Variants in CDK5RAP3 observed in about 807,000 individuals in gnomAD.
The protein encoded by CDK5RAP3 is CDK5 regulatory subunit associated protein 3.
CDK5RAP3 carries 58 observed loss-of-function variants against 73.3 expected under a neutral mutation model. The ratio of observed to expected loss-of-function variants is 0.79; its 90% CI spans 0.64 to 0.98. CDK5RAP3 has a LOEUF of 0.98. Among genes scored for constraint, CDK5RAP3 ranks in the 50% least tolerant of loss-of-function variants. The probability of loss-of-function intolerance (pLI) is 0.00; values close to 1 mark genes in which losing one functional copy is unlikely to be tolerated. For synonymous variants in CDK5RAP3, 224 were observed against 247.5 expected (o/e 0.91, Z 0.89); for missense variants, 525 against 615.8 (o/e 0.85, Z 1.56).
At chr17:47,970,512 C>T (rs1298675557), upstream of CDK5RAP3, 1 of 701,814 alleles carries the variant, frequency 1.4e-6, no homozygotes, top group East Asian at 2.8e-5. Flanking sequence ...ACCCAGCTAT[C>T]TTCAGCTCTT....
chr17:47,980,475 C>A (rs2144244752), intron 11 of CDK5RAP3, 118 bp from the exon 12 acceptor site: 1 of 851,638 alleles, frequency 1.2e-6, no homozygotes, highest in Non-Finnish European at 2.0e-6. Context: ...CATCGTTTCC[C>A]AGGCTGGTCT....
chr17:47,981,000 G>A (rs887421897), intron 12 of CDK5RAP3, 163 bp from the exon 13 acceptor site: 1 of 873,046 alleles, frequency 1.1e-6, no homozygotes, highest in African/African-American at 1.7e-5. Context: ...AGTAGGACAG[G>A]GGAACTGGGA....
upstream of CDK5RAP3, among the ~76,000 whole-genome samples, chr17:47,969,353 G>A (rs765725493): frequency 2.0e-5 from 3 of 151,818 alleles, no homozygotes; most frequent in Non-Finnish European, 4.4e-5. Context: ...TCAGGAAATC[G>A]AGACCATCCT....
chr17:47,968,784 G>A (rs12942412), upstream of CDK5RAP3, among the ~76,000 whole-genome samples: 3 of 152,126 alleles, frequency 2.0e-5, no homozygotes, highest in East Asian at 3.9e-4. Context: ...CCAAAGTGCC[G>A]AGATTACAGG....
rs909520709 is a variant in CDK5RAP3 at position 47,971,426 on chromosome 17, G to T, written c.52+19G>T. On this transcript the variant is annotated intron_variant, in intron 2 of 13. Coordinates refer to ENST00000338399, the MANE Select transcript of CDK5RAP3 (RefSeq NM_176096.3). ...CTGCTCGGTAGGAGGGGGCGCCACC[G>T]CGCAGCTGGCTGTCGGGGGGAGGCC... is the stretch of plus-strand genomic sequence containing the variant. 2 of 1,588,856 alleles carry T rather than the reference G, an allele frequency of 1.3e-6. No homozygotes were observed. Among genetic ancestry groups the T allele is most frequent in the East Asian group, 2.3e-5 (1 of 43,954 alleles).
At chr17:47,973,786 G>A in intron 3 of CDK5RAP3, 136 bp downstream of exon 3, 2 of 1,260,088 alleles carry the variant, frequency 1.6e-6, no homozygotes, top group South Asian at 1.3e-5. Context: ...TATAGATGCT[G>A]GCTTCTTCCA....
chr17:47,974,048 G>A lies in CDK5RAP3; in HGVS notation c.285+17G>A. 1 of 1,570,726 alleles carries A rather than the reference G, an allele frequency of 6.4e-7. No homozygotes were observed. On this transcript the variant is annotated intron_variant, in intron 4 of 13. Coordinates refer to ENST00000338399, the MANE Select transcript of CDK5RAP3 (RefSeq NM_176096.3). ...CGGATGAAGGCAAGTGTGGGCCAAGGGCCGGTAGTATGTGGTTGGGGACAT... is the reference window on the plus strand; with the variant it reads ...CGGATGAAGGCAAGTGTGGGCCAAGAGCCGGTAGTATGTGGTTGGGGACAT...
chr17:47,976,044 G>A lies in CDK5RAP3; in HGVS notation c.798+31G>A, dbSNP rs1234708287. On this transcript the variant is annotated intron_variant, in intron 8 of 13. Coordinates refer to ENST00000338399, the MANE Select transcript of CDK5RAP3 (RefSeq NM_176096.3). The stretch of plus-strand genomic sequence containing the variant: ...ATGGGCCTTGTGATGAGCTGTAGGA[G>A]TGGAGTGGGAGCTGCTTGTCCCCTC... The A allele has an allele frequency of 2.5e-6, 4 of 1,606,072 alleles. 1 individual carries two copies. In the South Asian group the frequency reaches 4.4e-5, roughly 18 times the overall value.
In CDK5RAP3 at chr17:47,973,931, A is replaced by G; in HGVS notation, c.185A>G (p.Tyr62Cys). Residue 62 changes from tyrosine (Y) to cysteine (C), a missense_variant and splice_region_variant, in exon 4 of 14, where the codon TAC (tyrosine) becomes TGC (cysteine). Transcript: ENST00000338399. ...CGAAATCCCGTCTCTTGCTTTCTAG[A>G]CATTCACTACTTTCACTGCCTAAGA... ...EEIAQLLSGS[Y>C]IHYFHCLRIL... 1 of 1,609,906 alleles carries G rather than the reference A, an allele frequency of 6.2e-7. No homozygotes were observed. Among genetic ancestry groups the G allele is most frequent in the Non-Finnish European group, 8.5e-7 (1 of 1,176,094 alleles).
rs1297456296 is a variant in CDK5RAP3, at chr17:47,973,591, A to T, written c.125A>T (p.Asn42Ile). 3.1e-6 allele frequency: 5 copies of T among 1,614,074 alleles called. No individual in the cohort carries two copies. Among genetic ancestry groups the T allele is most frequent in the Admixed American group, 1.7e-5 (1 of 60,008 alleles). ...SLVLTIREKINAAIQDMPESE... is the reference protein window; with the variant it reads ...SLVLTIREKIIAAIQDMPESE... The stretch of plus-strand genomic sequence containing the variant: ...GTGCTGACGATCCGCGAGAAGATCA[A>T]TGCTGCCATCCAGGACATGCCAGAG... Residue 42 changes from asparagine to isoleucine, a missense_variant, in exon 3 of 14, where the codon AAT becomes ATT. This residue lies in a region of CDK5RAP3 where 409 missense variants were observed against 429.8 expected (regional missense o/e 0.95). Transcript: ENST00000338399.
chr17:47,978,539 G>A, intron 10 of CDK5RAP3: 1 of 396,802 alleles, frequency 2.5e-6, no homozygotes, highest in Non-Finnish European at 4.6e-6. Flanking sequence ...CCACTAGAGG[G>A]CGGTGCAGGA....
intron 11 of CDK5RAP3, 30 bp downstream of exon 11, chr17:47,978,947 G>A (rs1342056777): frequency 2.6e-6 from 4 of 1,564,264 alleles, no homozygotes; most frequent in Admixed American, 1.7e-5. Flanking sequence ...ATGCAGGGGG[G>A]AGGCATGGCA....
chr17:47,976,149 C>T, intron 8 of CDK5RAP3, 136 bp downstream of exon 8: 1 of 1,099,574 alleles, frequency 9.1e-7, no homozygotes, highest in Non-Finnish European at 1.3e-6. Flanking sequence ...TAGAAGGGCC[C>T]AGGAGGCCCT....
chr17:47,970,575 C>T, upstream of CDK5RAP3: 3 of 1,224,716 alleles, frequency 2.4e-6, no homozygotes, highest in South Asian at 3.9e-5. Context: ...GACTCTCTTC[C>T]TTCCCCTTCC....
chr17:47,971,065 G>A, upstream of CDK5RAP3: 4 of 1,550,428 alleles, frequency 2.6e-6, no homozygotes, highest in Non-Finnish European at 3.5e-6. Flanking sequence ...TGTCTAAACG[G>A]AGGCTCGGCC....
chr17:47,972,106 A>C (rs536712262), intron 2 of CDK5RAP3, among the ~76,000 whole-genome samples: 3,589 of 151,298 alleles, frequency 0.024, 132 homozygotes, highest in African/African-American at 0.082. Context: ...AAAAAAAAAA[A>C]ACCTCATTTA....
At chr17:47,974,270 AAAG>A (rs2036339944) in intron 4 of CDK5RAP3, 127 bp from the exon 5 acceptor site, 2 of 892,690 alleles carry the variant, frequency 2.2e-6, no homozygotes, top group East Asian at 2.4e-5. Context: ...AGCAGAGTTG[AAAG>A]AAGGACAAGG....
At position 47,973,656 on chromosome 17, in the gene CDK5RAP3, T is replaced by C. The variant is rs1051289364; in HGVS notation, c.184+6T>C. 1 of 1,613,776 alleles carries C rather than the reference T, an allele frequency of 6.2e-7. No homozygotes were observed. The highest frequency in any genetic ancestry group is 1.3e-5 in the African/African-American group (1 of 75,014). On this transcript the variant is annotated splice_donor_region_variant and intron_variant, in intron 3 of 13. Coordinates refer to ENST00000338399, the MANE Select transcript of CDK5RAP3 (RefSeq NM_176096.3). ...CCAGCTGCTGTCTGGGTCCTGTGAG[T>C]GCTTAGGGGCTGTCACTGGAGTCCC...
At position 47,973,508 on chromosome 17, in the gene CDK5RAP3, T is replaced by C. The variant is rs752517474; in HGVS notation, c.53-11T>C. The C allele has an allele frequency of 6.8e-6, 11 of 1,612,926 alleles. 1 individual carries two copies. In the South Asian group the frequency reaches 1.1e-4, roughly 16 times the overall value. On this transcript the variant is annotated splice_polypyrimidine_tract_variant and intron_variant, in intron 2 of 13. Coordinates refer to ENST00000338399, the MANE Select transcript of CDK5RAP3 (RefSeq NM_176096.3). ...AATGGGAATGCTCTAATTTGGGTGC[T>C]TCTCATGTAGATTGGCTGGTGGACA...
Sources: gnomAD v4.1 joint callset for allele counts (sites outside exome capture counted in the v4.1 genomes callset) on GRCh38, gnomAD v4.1.1 for gene constraint, gnomAD v4.1.1 regional missense constraint, MANE v1.5 for transcripts, NCBI Gene and HGNC (gene_info 2026-07-23, HGNC 2026-07-21) for gene names.